The following KCNS2 variants were observed in gnomAD, a reference collection of about 807,000 sequenced individuals.
KCNS2 encodes potassium voltage-gated channel modifier subfamily S member 2.
Under a neutral mutation model 28.3 loss-of-function variants are expected in KCNS2, and 15 were observed. The ratio of observed to expected loss-of-function variants is 0.53; its 90% CI spans 0.35 to 0.82. The LOEUF (loss-of-function observed/expected upper bound fraction) is 0.82, where lower values mean the gene tolerates loss of function less well. Among genes scored for constraint, KCNS2 ranks in the 40% least tolerant of loss-of-function variants. The pLI, the probability that KCNS2 is intolerant of heterozygous loss-of-function variation, is 0.01. For missense variants in KCNS2, 501 were observed against 617.1 expected, an observed-to-expected ratio of 0.81 and a Z score of 1.99; for synonymous variants, 254 against 256.7, an observed-to-expected ratio of 0.99 and a Z score of 0.10.
Position 98,429,108 on chromosome 8 carries a change from T to C in KCNS2, c.1129T>C (p.Tyr377His). Residue 377 changes from tyrosine to histidine, a missense_variant, in exon 2 of 2, where the codon TAC (tyrosine) becomes CAC (histidine). Tyr to His is a moderately conservative substitution (Grantham distance 83). Transcript: ENST00000287042. Reference sequence around the variant, plus strand: ...TACCGTCAGTATGACCACAGTGGGGTACGGGGATGTGGTCCCAGGGACCAC... The same window carrying C: ...TACCGTCAGTATGACCACAGTGGGGCACGGGGATGTGGTCCCAGGGACCAC... ...WATVSMTTVG[Y>H]GDVVPGTTAG... 6.2e-7 allele frequency: 1 copy of C among 1,613,426 alleles called. No homozygotes were observed. Among genetic ancestry groups the C allele is most frequent in the Non-Finnish European group, 8.5e-7 (1 of 1,179,556 alleles).
chr8:98,427,044 T>C lies in KCNS2; in HGVS notation c.-328T>C, dbSNP rs28709500. On this transcript the variant is annotated 5_prime_UTR_variant, in exon 1 of 2. Coordinates refer to ENST00000287042, the MANE Select transcript of KCNS2 (RefSeq NM_020697.4). ...GCTCACGGGGCGAATGCGGCGCGGGTTCCTGCCTCTCTGGGTGGGTGAGGG... is the reference window on the plus strand; with the variant it reads ...GCTCACGGGGCGAATGCGGCGCGGGCTCCTGCCTCTCTGGGTGGGTGAGGG... 0.91 allele frequency: 137,256 copies of C among 150,276 alleles called. 62,891 individuals are homozygous for C. Among genetic ancestry groups the C allele is most frequent in the Admixed American group, 0.95 (14,447 of 15,138 alleles). The allele number at this position is 150,276 out of a possible 1,614,324, so 9.3% of individuals were successfully genotyped here. A position where few individuals can be genotyped will look rare whatever the true frequency, so the allele number is the denominator to read the frequency against.
At position 98,428,596 on chromosome 8, in the gene KCNS2, T is replaced by C; in HGVS notation, c.617T>C (p.Leu206Pro). 6.2e-7 allele frequency: 1 copy of C among 1,614,126 alleles called. No homozygotes were observed. The highest frequency in any genetic ancestry group is 2.2e-5 in the East Asian group (1 of 44,844). Residue 206 changes from leucine (L) to proline (P), a missense_variant, in exon 2 of 2, where the codon CTC becomes CCC. By Grantham distance (98) the Leu-to-Pro change is moderately conservative (BLOSUM62 -3). Transcript: ENST00000287042. This position sits in a 1 kb window ranked among gnomAD's most constrained non-coding sequence, Gnocchi z 6.7. ...ATGGGGTCCATCATCACCATGTGCCTCAATAGCCTGCCCGATTTCCAAATC... is the reference window on the plus strand; with the variant it reads ...ATGGGGTCCATCATCACCATGTGCCCCAATAGCCTGCCCGATTTCCAAATC... Reference protein sequence around the residue: ...VVMGSIITMCLNSLPDFQIPD... With the variant: ...VVMGSIITMCPNSLPDFQIPD...
chr8:98,429,506 G>C lies in KCNS2; in HGVS notation c.*93G>C. Reference sequence around the variant, plus strand: ...GCACCTTATGGTTATGGTGTAAGGAGTATGCCCAGCCCCTGAGGGGAGAGA... The same window carrying C: ...GCACCTTATGGTTATGGTGTAAGGACTATGCCCAGCCCCTGAGGGGAGAGA... On this transcript the variant is annotated 3_prime_UTR_variant, in exon 2 of 2. Transcript: ENST00000287042. The C allele has an allele frequency of 1.1e-6, 1 of 878,812 alleles. No homozygotes were observed. Among genetic ancestry groups the C allele is most frequent in the Non-Finnish European group, 1.8e-6 (1 of 559,574 alleles). The allele number at this position is 878,812 out of a possible 1,614,324, so 54.4% of individuals were successfully genotyped here.
In KCNS2 at chr8:98,432,026, ATGG is replaced by A. The variant is rs1289914658; in HGVS notation, c.*2616_*2618del. On this transcript the variant is annotated 3_prime_UTR_variant, in exon 2 of 2. Coordinates refer to ENST00000287042, the MANE Select transcript of KCNS2 (RefSeq NM_020697.4). ...AATTCCCACAAGGAATGTAGACTGA[ATGG>A]TGACCCAGGGAGAAATAATCTTCCT... 11 of 167,204 alleles carry A rather than the reference ATGG, an allele frequency of 6.6e-5. No homozygotes were observed. Among genetic ancestry groups the A allele is most frequent in the Admixed American group, 2.6e-4 (4 of 15,302 alleles). The allele number at this position is 167,204 out of a possible 1,614,324, so 10.4% of individuals were successfully genotyped here.
Position 98,428,627 on chromosome 8 carries a change from C to A in KCNS2, c.648C>A (p.Asp216Glu). 1 of 1,614,216 alleles carries A rather than the reference C, an allele frequency of 6.2e-7. No homozygotes were observed. Among genetic ancestry groups the A allele is most frequent in the South Asian group, 1.1e-5 (1 of 91,078 alleles). ...GCCTGCCCGATTTCCAAATCCCTGACAGCCAGGGCAACCCTGGCGAGGACC... is the reference window on the plus strand; with the variant it reads ...GCCTGCCCGATTTCCAAATCCCTGAAAGCCAGGGCAACCCTGGCGAGGACC... Reference protein sequence around the residue: ...LNSLPDFQIPDSQGNPGEDPR... With the variant: ...LNSLPDFQIPESQGNPGEDPR... Residue 216 changes from aspartate (D) to glutamate (E), a missense_variant, in exon 2 of 2, where the codon GAC (aspartate) becomes GAA (glutamate). Asp to Glu is a conservative substitution (Grantham distance 45). Transcript: ENST00000287042. The surrounding 1 kb of genome is among the most constrained non-coding windows in gnomAD (Gnocchi z 6.7).
rs1384625895 is a variant in KCNS2 at position 98,431,507 on chromosome 8, C to G, written c.*2094C>G. On this transcript the variant is annotated 3_prime_UTR_variant, in exon 2 of 2. Transcript: ENST00000287042. ...ATAACATTTACGGACTCATCCCCAG[C>G]TGCACTGAAGGCAGGTGGTGGTACA... 1.2e-5 allele frequency: 2 copies of G among 167,102 alleles called. No individual in the cohort carries two copies. The highest frequency in any genetic ancestry group is 3.8e-4 in the East Asian group (2 of 5,196). 10.4% of individuals were successfully genotyped at this position (167,102 alleles called of 1,614,324 possible).
chr8:98,427,735 C>G, intron 1 of KCNS2: 1 of 409,228 alleles, frequency 2.4e-6, no homozygotes, highest in South Asian at 6.2e-5. Context: ...ACCGAGACCC[C>G]TGGGGTGGAG....
chr8:98,430,356 T>A lies in KCNS2; in HGVS notation c.*943T>A, dbSNP rs1818310087. 6.0e-6 allele frequency: 1 copy of A among 167,112 alleles called. No individual in the cohort carries two copies. The highest frequency in any genetic ancestry group is 1.5e-5 in the Non-Finnish European group (1 of 68,120). 10.4% of individuals were successfully genotyped at this position (167,112 alleles called of 1,614,324 possible). ...TATTAGCATGTTTTTGAAATATTTA[T>A]TTTTTAAGATGTTTAGGAGTAAGGT... On this transcript the variant is annotated 3_prime_UTR_variant, in exon 2 of 2. Coordinates refer to ENST00000287042, the MANE Select transcript of KCNS2 (RefSeq NM_020697.4).
In KCNS2 at chr8:98,430,224, T is replaced by C. The variant is rs963054917; in HGVS notation, c.*811T>C. ...CCAAGTTAGTGCAGGCTGAGCCCCT[T>C]GGTTCACAGTCAAGCCTCCTTGTTT... On this transcript the variant is annotated 3_prime_UTR_variant, in exon 2 of 2. Transcript: ENST00000287042. 6.0e-6 allele frequency: 1 copy of C among 167,098 alleles called. No homozygotes were observed. Among genetic ancestry groups the C allele is most frequent in the Non-Finnish European group, 1.5e-5 (1 of 68,116 alleles). 10.4% of individuals were successfully genotyped at this position (167,098 alleles called of 1,614,324 possible). A position where few individuals can be genotyped will look rare whatever the true frequency, so the allele number is the denominator to read the frequency against.
rs1255341726 is a variant in KCNS2 at position 98,428,193 on chromosome 8, G to C, written c.214G>C (p.Asp72His). Residue 72 changes from aspartate to histidine, a missense_variant, in exon 2 of 2, where the codon GAC (aspartate) becomes CAC (histidine). Physicochemically the swap from Asp to His is moderately conservative, Grantham distance 81 (BLOSUM62 -1). Transcript: ENST00000287042. This position sits in a 1 kb window ranked among gnomAD's most constrained non-coding sequence, Gnocchi z 6.7. ...YDDVQREFYF[D>H]RNPELFPYVL... ...CGACGTCCAGCGGGAGTTCTACTTCGACCGCAACCCTGAGCTCTTCCCCTA... is the reference window on the plus strand; with the variant it reads ...CGACGTCCAGCGGGAGTTCTACTTCCACCGCAACCCTGAGCTCTTCCCCTA... The C allele has an allele frequency of 6.2e-7, 1 of 1,613,986 alleles. No homozygotes were observed.
In KCNS2 at chr8:98,430,739, T is replaced by G. The variant is rs1818314673; in HGVS notation, c.*1326T>G. Reference sequence around the variant, plus strand: ...CCCACTGCCTTTCATGGGGGGTGACTGGGTAGAGGCCAGGAGAAAGGAAAG... The same window carrying G: ...CCCACTGCCTTTCATGGGGGGTGACGGGGTAGAGGCCAGGAGAAAGGAAAG... On this transcript the variant is annotated 3_prime_UTR_variant, in exon 2 of 2. Transcript: ENST00000287042. 6.0e-6 allele frequency: 1 copy of G among 167,060 alleles called. No homozygotes were observed. Among genetic ancestry groups the G allele is most frequent in the South Asian group, 2.1e-4 (1 of 4,818 alleles). The allele number at this position is 167,060 out of a possible 1,614,324, so 10.3% of individuals were successfully genotyped here.
chr8:98,429,317 C>T lies in KCNS2; in HGVS notation c.1338C>T (p.Asp446=). 1 of 1,614,090 alleles carries T rather than the reference C, an allele frequency of 6.2e-7. No individual in the cohort carries two copies. The highest frequency in any genetic ancestry group is 1.1e-5 in the South Asian group (1 of 91,082). Residue 446 remains aspartate, a synonymous_variant, in exon 2 of 2, where the codon GAC becomes GAT. Coordinates refer to ENST00000287042, the MANE Select transcript of KCNS2 (RefSeq NM_020697.4). ...AGGTCCCTTCGGTCAATTTAAGGGA[C>T]TATTATGCCCATAAAGTTAAATCCC... ...MKEVPSVNLR[D]YYAHKVKSLM...
In KCNS2 at chr8:98,428,890, G is replaced by A. The variant is rs370705767; in HGVS notation, c.911G>A (p.Arg304His). 3.7e-6 allele frequency: 6 copies of A among 1,614,006 alleles called. No individual in the cohort carries two copies. Among genetic ancestry groups the A allele is most frequent in the South Asian group, 1.1e-5 (1 of 91,088 alleles). Residue 304 changes from arginine to histidine, a missense_variant, in exon 2 of 2, where the codon CGC becomes CAC. Arg to His is a conservative substitution (Grantham distance 29, BLOSUM62 0). Transcript: ENST00000287042. This position sits in a 1 kb window ranked among gnomAD's most constrained non-coding sequence, Gnocchi z 6.7. ...AQVLRLMRIF[R>H]ILKLARHSTG... ...GTCCTGAGGCTGATGCGGATCTTCC[G>A]CATCTTAAAGCTGGCCAGGCACTCC...
rs762112595 is a variant in KCNS2 at position 98,427,965 on chromosome 8, G to A, written c.-15G>A. 19 of 1,488,874 alleles carry A rather than the reference G, an allele frequency of 1.3e-5. No individual in the cohort carries two copies. In the East Asian group the frequency reaches 4.0e-4, roughly 31 times the overall value. The allele number at this position is 1,488,874 out of a possible 1,614,324, so 92.2% of individuals were successfully genotyped here. On this transcript the variant is annotated 5_prime_UTR_variant, in exon 2 of 2. Transcript: ENST00000287042. The stretch of plus-strand genomic sequence containing the variant: ...GTAGCGCCCCCGCGCGGCGCGGGCG[G>A]CCGGCGCCTCCAGCATGACCGGCCA...
Position 98,428,808 on chromosome 8 carries a change from G to A in KCNS2, c.829G>A (p.Val277Met). Reference sequence around the variant, plus strand: ...CGTCCCCTTTTACATCACTCTGGTGGTGAACCTGGTGGTGGAGAGCACACC... The same window carrying A: ...CGTCCCCTTTTACATCACTCTGGTGATGAACCTGGTGGTGGAGAGCACACC... ...SIVPFYITLV[V>M]NLVVESTPTL... is the part of the protein sequence containing the mutation. The change falls in exon 2 of 2, where the codon GTG (valine) becomes ATG (methionine). Residue 277 changes from valine to methionine, a missense_variant. Val to Met is a conservative substitution (Grantham distance 21, BLOSUM62 1). Coordinates refer to ENST00000287042, the MANE Select transcript of KCNS2 (RefSeq NM_020697.4). The surrounding 1 kb of genome is among the most constrained non-coding windows in gnomAD (Gnocchi z 6.7). 1 of 1,614,198 alleles carries A rather than the reference G, an allele frequency of 6.2e-7. No individual in the cohort carries two copies. Among genetic ancestry groups the A allele is most frequent in the Non-Finnish European group, 8.5e-7 (1 of 1,180,052 alleles).
In KCNS2 at chr8:98,427,340, C is replaced by G. The variant is rs1455199677; in HGVS notation, c.-43+11C>G. On this transcript the variant is annotated intron_variant, in intron 1 of 1. Coordinates refer to ENST00000287042, the MANE Select transcript of KCNS2 (RefSeq NM_020697.4). ...CACCCGTGCTCCCAGGTAAGCGCTT[C>G]CAGAACGCGCAGGGCGAGCCCGGGC... 1 of 151,466 alleles carries G rather than the reference C, an allele frequency of 6.6e-6. No individual in the cohort carries two copies. The highest frequency in any genetic ancestry group is 1.5e-5 in the Non-Finnish European group (1 of 67,830). 9.4% of individuals were successfully genotyped at this position (151,466 alleles called of 1,614,324 possible).
At position 98,432,475 on chromosome 8, in the gene KCNS2, C is replaced by T. The variant is rs1818350618; in HGVS notation, c.*3062C>T. ...TATAGGTTTGTGTTTTCTGCCAAACCCCCACATTTCTCGGGTTTGTGAGTG... is the reference window on the plus strand; with the variant it reads ...TATAGGTTTGTGTTTTCTGCCAAACTCCCACATTTCTCGGGTTTGTGAGTG... On this transcript the variant is annotated 3_prime_UTR_variant, in exon 2 of 2. Coordinates refer to ENST00000287042, the MANE Select transcript of KCNS2 (RefSeq NM_020697.4). The T allele has an allele frequency of 6.0e-6, 1 of 167,062 alleles. No individual in the cohort carries two copies. Among genetic ancestry groups the T allele is most frequent in the Non-Finnish European group, 1.5e-5 (1 of 68,126 alleles). The allele number at this position is 167,062 out of a possible 1,614,324, so 10.3% of individuals were successfully genotyped here. A position where few individuals can be genotyped will look rare whatever the true frequency, so the allele number is the denominator to read the frequency against.
Position 98,428,159 on chromosome 8 carries a change from T to C in KCNS2, c.180T>C (p.Asp60=), listed in dbSNP as rs776545375. 6 of 1,613,968 alleles carry C rather than the reference T, an allele frequency of 3.7e-6. No individual in the cohort carries two copies. The African/African-American group carries it at 8.0e-5, about 22-fold the overall frequency. The stretch of plus-strand genomic sequence containing the variant: ...GCGAGGCCATTCTGGAGCTCTGCGA[T>C]GACTACGACGACGTCCAGCGGGAGT... ...HSREAILELC[D]DYDDVQREFY... is the part of the protein sequence containing the mutation. Residue 60 remains aspartate (D), a synonymous_variant, in exon 2 of 2, where the codon GAT becomes GAC. Transcript: ENST00000287042. This position sits in a 1 kb window ranked among gnomAD's most constrained non-coding sequence, Gnocchi z 6.7.
At position 98,427,294 on chromosome 8, in the gene KCNS2, C is replaced by G. The variant is rs1818250471; in HGVS notation, c.-78C>G. ...GCTCGCCCGCGGGTTGGGGAAGTTT[C>G]CCGCCGGCCTCGGCCGCGGGCACCC... On this transcript the variant is annotated 5_prime_UTR_variant, in exon 1 of 2. Transcript: ENST00000287042. 6.6e-6 allele frequency: 1 copy of G among 151,600 alleles called. No individual in the cohort carries two copies. The highest frequency in any genetic ancestry group is 2.1e-4 in the South Asian group (1 of 4,838). The allele number at this position is 151,600 out of a possible 1,614,324, so 9.4% of individuals were successfully genotyped here. A position where few individuals can be genotyped will look rare whatever the true frequency, so the allele number is the denominator to read the frequency against.
Sources: gnomAD v4.1 joint callset for allele counts on GRCh38, gnomAD v4.1.1 for gene constraint, Gnocchi (gnomAD v3.1) non-coding constraint, MANE v1.5 for transcripts, NCBI Gene and HGNC (gene_info 2026-07-23, HGNC 2026-07-21) for gene names.